ST7: variants seen among roughly 807,000 people sequenced by gnomAD.
The protein encoded by ST7 is suppression of tumorigenicity 7.
A neutral mutation model predicts 78.7 loss-of-function variants in ST7; 28 were observed. The observed-to-expected ratio is 0.36, with a 90% CI of 0.26 to 0.49. The LOEUF is 0.49. ST7 is among the 20% of genes least tolerant of loss of function. The pLI is 0.99. For synonymous variants in ST7, 247 were observed against 249.6 expected (o/e 0.99, Z 0.10); for missense variants, 418 against 696.0 (o/e 0.60, Z 4.49).
At chr7:117,124,646 G>A (rs924367923) in intron 3 of ST7, among the ~76,000 whole-genome samples, 1 of 152,104 alleles carries the variant, frequency 6.6e-6, no homozygotes, top group African/African-American at 2.4e-5. Context: ...TTGACAGCTC[G>A]GGCTCTGGGG....
intron 1 of ST7, among the ~76,000 whole-genome samples, chr7:117,000,066 C>G (rs368666734): frequency 6.6e-6 from 1 of 152,148 alleles, no homozygotes; most frequent in Non-Finnish European, 1.5e-5. Flanking sequence ...CCACCTCAGC[C>G]TCCCAAAGTG....
At chr7:117,000,160 G>A (rs1367653536) in intron 1 of ST7, among the ~76,000 whole-genome samples, 2 of 152,148 alleles carry the variant, frequency 1.3e-5, no homozygotes, top group East Asian at 3.9e-4. Flanking sequence ...GAGATGAACC[G>A]TGGACTGTGT....
chr7:117,027,400 A>T (rs1796238776), intron 1 of ST7, among the ~76,000 whole-genome samples: 1 of 136,494 alleles, frequency 7.3e-6, no homozygotes, highest in South Asian at 2.3e-4. Context: ...AGATCACACC[A>T]CTGCACTCCA....
rs921630995 is a variant in ST7, at chr7:117,140,636, C to T, written c.963+2104C>T. Among the ~76,000 whole-genome samples the T allele has an allele frequency of 5.9e-5, 9 of 151,902 alleles. No homozygotes were observed. The South Asian group carries it at 6.2e-4, about 11-fold the overall frequency. Reference sequence around the variant, plus strand: ...TCAGTTAATTTCTCTCTTCCTCTCTCGACATATGTGTATACATACACATAC... The same window carrying T: ...TCAGTTAATTTCTCTCTTCCTCTCTTGACATATGTGTATACATACACATAC... On this transcript the variant is annotated intron_variant, in intron 9 of 15. Coordinates refer to ENST00000323984, the MANE Select transcript of ST7 (RefSeq NM_001369598.1).
intron 12 of ST7, among the ~76,000 whole-genome samples, chr7:117,204,555 C>T (rs1791551810): frequency 6.6e-6 from 1 of 152,160 alleles, no homozygotes; most frequent in Admixed American, 6.5e-5. Context: ...TCTGAGTGAG[C>T]CATGGCTACT....
chr7:117,087,663 C>T (rs747677470), intron 1 of ST7, among the ~76,000 whole-genome samples: 5 of 152,228 alleles, frequency 3.3e-5, no homozygotes, highest in Non-Finnish European at 5.9e-5. Context: ...TACTGCCAGA[C>T]TGCCTGTAGA....
intron 15 of ST7, among the ~76,000 whole-genome samples, chr7:117,227,758 G>A (rs1043525517): frequency 6.6e-6 from 1 of 152,174 alleles, no homozygotes; most frequent in Non-Finnish European, 1.5e-5. Context: ...ATTCATGGGT[G>A]CTCCCAATCC....
intron 1 of ST7, among the ~76,000 whole-genome samples, chr7:116,984,561 G>A (rs779449777): frequency 4.6e-5 from 7 of 152,096 alleles, no homozygotes; most frequent in Non-Finnish European, 4.4e-5. Context: ...GCAGGGGGTG[G>A]GGTAGATGAG....
chr7:117,010,749 G>A (rs540375596), intron 1 of ST7, among the ~76,000 whole-genome samples: 2 of 152,292 alleles, frequency 1.3e-5, no homozygotes, highest in East Asian at 1.9e-4. Context: ...TAATAACAAA[G>A]TCGGTTATTG....
At chr7:117,040,800 C>T (rs1797176317) in intron 1 of ST7, among the ~76,000 whole-genome samples, 1 of 152,192 alleles carries the variant, frequency 6.6e-6, no homozygotes, top group South Asian at 2.1e-4. Context: ...ATAATCTATG[C>T]AATAATGTCA....
At chr7:116,997,287 C>T (rs2116420202) in intron 1 of ST7, among the ~76,000 whole-genome samples, 1 of 152,314 alleles carries the variant, frequency 6.6e-6, no homozygotes, top group South Asian at 2.1e-4. Flanking sequence ...GTTGCCACTG[C>T]TGGCTCGGGC....
intron 1 of ST7, among the ~76,000 whole-genome samples, chr7:117,069,474 A>G (rs115968426): frequency 6.6e-5 from 10 of 152,344 alleles, no homozygotes; most frequent in African/African-American, 1.9e-4. Context: ...CCATTTTCCA[A>G]TGGACATTCC....
At chr7:117,021,257 GC>G (rs1461882475) in intron 1 of ST7, among the ~76,000 whole-genome samples, 1 of 152,090 alleles carries the variant, frequency 6.6e-6, no homozygotes, top group Non-Finnish European at 1.5e-5. Context: ...AGAAGGCCCT[GC>G]ACAATGGGCT....
rs201569344 is a variant in ST7, at chr7:117,221,895, G to T, written c.1499-28G>T. On this transcript the variant is annotated intron_variant, in intron 14 of 15. Transcript: ENST00000323984. ...TGAGAGTGCAGTTTACTCCAGCCCT[G>T]ATATTTCCCTTTTGGTCTTCTCCAC... 5 of 1,592,368 alleles carry T rather than the reference G, an allele frequency of 3.1e-6. No homozygotes were observed. The South Asian group carries it at 5.8e-5, about 18-fold the overall frequency.
At chr7:116,958,427 C>T (rs965623571) in intron 1 of ST7, among the ~76,000 whole-genome samples, 4 of 152,012 alleles carry the variant, frequency 2.6e-5, no homozygotes, top group Admixed American at 2.0e-4. Flanking sequence ...AATTTTTGCT[C>T]TAAATTTACT....
chr7:117,135,537 C>A (rs980762633), intron 7 of ST7, among the ~76,000 whole-genome samples: 2 of 151,832 alleles, frequency 1.3e-5, no homozygotes, highest in African/African-American at 4.8e-5. Context: ...CTTGATTTAA[C>A]GAATTTCTTA....
intron 2 of ST7, among the ~76,000 whole-genome samples, chr7:117,109,433 C>T (rs1802242115): frequency 6.6e-6 from 1 of 152,138 alleles, no homozygotes; most frequent in African/African-American, 2.4e-5. Flanking sequence ...CTACTTTGAA[C>T]CCCTTTACAC....
At chr7:117,110,558 C>T (rs1158034622) in intron 2 of ST7, among the ~76,000 whole-genome samples, 1 of 152,202 alleles carries the variant, frequency 6.6e-6, no homozygotes, top group Non-Finnish European at 1.5e-5. Flanking sequence ...GGTTGGAACC[C>T]AGGCCATCTT....
At chr7:117,000,211 C>T (rs1046703853) in intron 1 of ST7, among the ~76,000 whole-genome samples, 66 of 152,274 alleles carry the variant, frequency 4.3e-4, no homozygotes, top group African/African-American at 1.6e-3. Context: ...TCTGTCTTTG[C>T]TGCAAACTAC....
Sources: gnomAD v4.1 joint callset for allele counts (sites outside exome capture counted in the v4.1 genomes callset) on GRCh38, gnomAD v4.1.1 for gene constraint, MANE v1.5 for transcripts, NCBI Gene and HGNC (gene_info 2026-07-23, HGNC 2026-07-21) for gene names.